The following AP2B1 variants were observed in gnomAD, a reference collection of about 807,000 sequenced individuals.
AP2B1 encodes AP-2 complex subunit beta.
A neutral mutation model predicts 102.0 loss-of-function variants in AP2B1; 23 were observed. The ratio of observed to expected loss-of-function variants is 0.23; its 90% CI spans 0.16 to 0.32. AP2B1 has a LOEUF of 0.32. Among genes scored for constraint, AP2B1 ranks in the 10% least tolerant of loss-of-function variants. AP2B1 has a pLI of 1.00. For synonymous variants in AP2B1, 381 were observed against 421.2 expected, an observed-to-expected ratio of 0.90 and a Z score of 1.17; for missense variants, 541 against 1,157.4, an observed-to-expected ratio of 0.47 and a Z score of 7.73.
At chr17:35,611,527 T>C (rs1343985161) in intron 5 of AP2B1, among the ~76,000 whole-genome samples, 2 of 152,204 alleles carry the variant, frequency 1.3e-5, no homozygotes, top group Admixed American at 1.3e-4. Context: ...CATTTAGAGA[T>C]CTTTATCCAG....
At chr17:35,618,704 C>T (rs1208586884) in intron 5 of AP2B1, among the ~76,000 whole-genome samples, 1 of 152,078 alleles carries the variant, frequency 6.6e-6, no homozygotes, top group African/African-American at 2.4e-5. Flanking sequence ...ATCTAGATTT[C>T]CTTTGAGAGT....
At chr17:35,596,392 T>G (rs1437317506) in intron 2 of AP2B1, among the ~76,000 whole-genome samples, 2 of 152,194 alleles carry the variant, frequency 1.3e-5, no homozygotes, top group Non-Finnish European at 2.9e-5. Flanking sequence ...TTTGGAACAA[T>G]TTTTTTGCCT....
intron 17 of AP2B1, among the ~76,000 whole-genome samples, chr17:35,681,553 G>C (rs2075822739): frequency 6.6e-6 from 1 of 152,074 alleles, no homozygotes; most frequent in Non-Finnish European, 1.5e-5. Flanking sequence ...ACAGGCGTGT[G>C]CCACCATGCC....
At chr17:35,698,922 T>G (rs1167235932) in intron 18 of AP2B1, among the ~76,000 whole-genome samples, 3 of 152,236 alleles carry the variant, frequency 2.0e-5, no homozygotes, top group African/African-American at 7.2e-5. Flanking sequence ...TCCAAAGTCT[T>G]TTAAAGCAAT....
intron 18 of AP2B1, among the ~76,000 whole-genome samples, chr17:35,698,078 A>C (rs1206656743): frequency 6.6e-6 from 1 of 152,196 alleles, no homozygotes; most frequent in Non-Finnish European, 1.5e-5. Context: ...TGGAAAAAAA[A>C]GTTTTTAAAA....
At chr17:35,671,987 T>C in intron 16 of AP2B1, 87 bp downstream of exon 16, 2 of 1,469,328 alleles carry the variant, frequency 1.4e-6, no homozygotes, top group Non-Finnish European at 1.9e-6. Context: ...CTTCTACTGG[T>C]AATAAATCAA....
At chr17:35,680,706 T>TGTTTG (rs56034210) in intron 17 of AP2B1, among the ~76,000 whole-genome samples, 29 of 147,386 alleles carry the variant, frequency 2.0e-4, no homozygotes, top group African/African-American at 7.0e-4. Flanking sequence ...TTTTGTTTTT[T>TGTTTG]TTTTTTTTTT....
chr17:35,612,429 C>T (rs2073890799), intron 5 of AP2B1, among the ~76,000 whole-genome samples: 1 of 152,124 alleles, frequency 6.6e-6, no homozygotes, highest in Non-Finnish European at 1.5e-5. Flanking sequence ...TAAGAGGTAG[C>T]CAACACACAT....
chr17:35,624,452 G>A lies in AP2B1; in HGVS notation c.581G>A (p.Ser194Asn), dbSNP rs752702096. ...LSEISESHPN[S>N]NLLDLNPQNI... is the part of the protein sequence containing the mutation. ...GAAATCAGTGAGTCTCACCCAAACA[G>A]CAACTTACTTGATCTGAACCCACAG... The change falls in exon 6 of 22, where the codon AGC becomes AAC. Residue 194 changes from serine to asparagine, a missense_variant. Coordinates refer to ENST00000610402, the MANE Select transcript of AP2B1 (RefSeq NM_001030006.2). The A allele has an allele frequency of 2.5e-6, 4 of 1,614,160 alleles. No individual in the cohort carries two copies. The highest frequency in any genetic ancestry group is 3.4e-6 in the Non-Finnish European group (4 of 1,180,018).
At chr17:35,649,946 TTTA>T (rs755174005) in intron 12 of AP2B1, among the ~76,000 whole-genome samples, 2 of 151,940 alleles carry the variant, frequency 1.3e-5, no homozygotes, top group East Asian at 3.9e-4. Flanking sequence ...TTTTTGTACT[TTTA>T]TTATTATTAT....
At chr17:35,602,468 G>T (rs225287) in intron 3 of AP2B1, among the ~76,000 whole-genome samples, 130,807 of 152,184 alleles carry the variant, frequency 0.86, 56,512 homozygotes, top group East Asian at 0.97. Context: ...TGCAGCACTG[G>T]CCAGTGGAAA....
chr17:35,691,598 A>G (rs1328498001), intron 18 of AP2B1, among the ~76,000 whole-genome samples: 2 of 152,200 alleles, frequency 1.3e-5, no homozygotes, highest in Non-Finnish European at 1.5e-5. Flanking sequence ...TGGGACCACG[A>G]TGCTCCTTGA....
At chr17:35,675,648 T>G (rs2189304) in intron 17 of AP2B1, among the ~76,000 whole-genome samples, 4 of 149,226 alleles carry the variant, frequency 2.7e-5, no homozygotes, top group Non-Finnish European at 4.5e-5. Flanking sequence ...TTTTTTTTTG[T>G]GGGGGGATGG....
intron 14 of AP2B1, among the ~76,000 whole-genome samples, chr17:35,661,003 C>T (rs934976682): frequency 2.0e-5 from 3 of 152,082 alleles, no homozygotes; most frequent in Non-Finnish European, 4.4e-5. Flanking sequence ...TGGGAAGCAG[C>T]GTTTAGGTTA....
At chr17:35,639,524 C>A in intron 10 of AP2B1, 71 bp from the exon 11 acceptor site, 2 of 1,434,476 alleles carry the variant, frequency 1.4e-6, no homozygotes, top group Non-Finnish European at 1.9e-6. Flanking sequence ...TGTGGTTTTG[C>A]CTTTAGCCTT....
rs562032993 is a variant in AP2B1, at chr17:35,662,538, T to G, written c.1989+4747T>G. Among the ~76,000 whole-genome samples the G allele has an allele frequency of 3.2e-3, 481 of 150,218 alleles. 4 individuals carry two copies. Among genetic ancestry groups the G allele is most frequent in the African/African-American group, 0.011 (454 of 41,094 alleles). On this transcript the variant is annotated intron_variant, in intron 14 of 21. Transcript: ENST00000610402. The stretch of plus-strand genomic sequence containing the variant: ...GTTTTTTGGGTTTGGGTTTGTTTTT[T>G]TTTTTTTTTTTTTATGACTCTGGTA...
Position 35,639,585 on chromosome 17 carries a change from T to C in AP2B1, c.1272-10T>C. ...GCCCTCAATAACCATAGTTCATTTT[T>C]TTTCATCAGGTATGAAAGTATCATC... On this transcript the variant is annotated splice_polypyrimidine_tract_variant and intron_variant, in intron 10 of 21. Coordinates refer to ENST00000610402, the MANE Select transcript of AP2B1 (RefSeq NM_001030006.2). 1.3e-6 allele frequency: 2 copies of C among 1,599,220 alleles called. No individual in the cohort carries two copies. The highest frequency in any genetic ancestry group is 2.3e-5 in the South Asian group (2 of 88,072).
chr17:35,611,431 G>C (rs973208862), intron 5 of AP2B1, among the ~76,000 whole-genome samples: 6 of 152,136 alleles, frequency 3.9e-5, no homozygotes, highest in African/African-American at 9.7e-5. Flanking sequence ...AGATGGTCAG[G>C]GATAAGGCCT....
At chr17:35,636,532 A>C in intron 10 of AP2B1, 76 bp downstream of exon 10, 1 of 1,070,580 alleles carries the variant, frequency 9.3e-7, no homozygotes, top group East Asian at 2.5e-5. Flanking sequence ...TTGCCTAGGT[A>C]AGAATTACTC....
Sources: allele counts gnomAD v4.1 joint callset (sites outside exome capture counted in the v4.1 genomes callset), GRCh38; gene constraint gnomAD v4.1.1; transcripts MANE v1.5; gene names NCBI Gene and HGNC (gene_info 2026-07-23, HGNC 2026-07-21).